The following GREM2 variants were observed in gnomAD, a reference collection of about 807,000 sequenced individuals.
GREM2 encodes gremlin 2, DAN family BMP antagonist.
In GREM2, 11 loss-of-function variants were observed where a neutral mutation model predicts 14.2. The observed-to-expected ratio is 0.78, with a 90% CI of 0.49 to 1.28. GREM2 has a LOEUF of 1.28. Among genes scored for constraint, GREM2 ranks in the 50% most tolerant of loss-of-function variants. The pLI, the probability that GREM2 is intolerant of heterozygous loss-of-function variation, is 0.00. For synonymous variants in GREM2, 98 were observed against 97.6 expected (o/e 1.00, Z -0.02); for missense variants, 210 against 218.5 (o/e 0.96, Z 0.24).
chr1:240,581,770 AAAAT>A (rs896865927), intron 1 of GREM2, among the ~76,000 whole-genome samples: 44 of 152,346 alleles, frequency 2.9e-4, no homozygotes, highest in African/African-American at 1.0e-3. Flanking sequence ...TATGAGTTCT[AAAAT>A]AAAATTTTTC....
intron 1 of GREM2, among the ~76,000 whole-genome samples, chr1:240,530,162 A>G (rs1175820849): frequency 6.6e-6 from 1 of 152,190 alleles, no homozygotes; most frequent in Non-Finnish European, 1.5e-5. Flanking sequence ...CTATAACCAT[A>G]TGAATTAAGT....
chr1:240,596,315 T>G (rs966939485), intron 1 of GREM2, among the ~76,000 whole-genome samples: 1 of 152,204 alleles, frequency 6.6e-6, no homozygotes. Context: ...GTTAAGGAAA[T>G]GCGAAACTAT....
At chr1:240,562,952 A>ATGTGTGTGAGTGTGTG (rs1185821723) in intron 1 of GREM2, among the ~76,000 whole-genome samples, 9 of 115,766 alleles carry the variant, frequency 7.8e-5, no homozygotes, top group Admixed American at 7.5e-4. Context: ...GTGAGTGTGT[A>ATGTGTGTGAGTGTGTG]TGTGTGTGAG....
chr1:240,521,518 C>A (rs1293978858), intron 1 of GREM2, among the ~76,000 whole-genome samples: 1 of 151,948 alleles, frequency 6.6e-6, no homozygotes, highest in Non-Finnish European at 1.5e-5. Context: ...TTACAGTGAG[C>A]CGAGATGGCA....
At chr1:240,508,717 C>T (rs1243158111) in intron 1 of GREM2, among the ~76,000 whole-genome samples, 2 of 152,148 alleles carry the variant, frequency 1.3e-5, no homozygotes, top group Non-Finnish European at 2.9e-5. Context: ...TTGTATGCAA[C>T]ACAAATTCAA....
chr1:240,568,679 C>T (rs1679209282), intron 1 of GREM2, among the ~76,000 whole-genome samples: 1 of 152,114 alleles, frequency 6.6e-6, no homozygotes, highest in African/African-American at 2.4e-5. Flanking sequence ...GGCACCTAGC[C>T]TTTCTTTCTT....
At chr1:240,578,914 T>C (rs1220354702) in intron 1 of GREM2, among the ~76,000 whole-genome samples, 1 of 152,210 alleles carries the variant, frequency 6.6e-6, no homozygotes, top group Admixed American at 6.5e-5. Flanking sequence ...TTGGAACAGC[T>C]GCAGGTGGGT....
At chr1:240,501,644 G>A (rs1411342715) in intron 1 of GREM2, among the ~76,000 whole-genome samples, 2 of 149,610 alleles carry the variant, frequency 1.3e-5, no homozygotes, top group Non-Finnish European at 3.0e-5. Context: ...TTATACACAA[G>A]TGGGCTGCTT....
In GREM2 at chr1:240,546,773, T is replaced by G. The variant is rs144806691; in HGVS notation, c.-1-53297A>C. On this transcript the variant is annotated intron_variant, in intron 1 of 1. Transcript: ENST00000318160. ...TGAAATTTTTATCTCATTGAAAGAGTTGTCAAAACAGCCAAGTGTATTAAA... is the reference window on the plus strand; with the variant it reads ...TGAAATTTTTATCTCATTGAAAGAGGTGTCAAAACAGCCAAGTGTATTAAA... 9.0e-3 allele frequency among the ~76,000 whole-genome samples: 1,368 copies of G among 152,042 alleles called. 20 individuals are homozygous for G. The highest frequency in any genetic ancestry group is 0.032 in the African/African-American group (1,317 of 41,476).
At chr1:240,576,785 G>C (rs188080636) in intron 1 of GREM2, among the ~76,000 whole-genome samples, 2 of 152,286 alleles carry the variant, frequency 1.3e-5, no homozygotes, top group Admixed American at 1.3e-4. Flanking sequence ...ACTCCAATTA[G>C]AATGAAATTA....
intron 1 of GREM2, among the ~76,000 whole-genome samples, chr1:240,609,984 A>C (rs1346922861): frequency 3.3e-5 from 5 of 152,292 alleles, no homozygotes; most frequent in African/African-American, 1.2e-4. Flanking sequence ...ATGATAGCAA[A>C]AAACAATGAA....
In GREM2 at chr1:240,602,091, T is replaced by A. The variant is rs181066047; in HGVS notation, c.-2+9793A>T. On this transcript the variant is annotated intron_variant, in intron 1 of 1. Coordinates refer to ENST00000318160, the MANE Select transcript of GREM2 (RefSeq NM_022469.4). ...ATACACTTGTAGGAATATCTTGGCA[T>A]CCTTTAATACAGAGAAGTTCTCAGC... Among the ~76,000 whole-genome samples, 21 of 152,250 alleles carry A rather than the reference T, an allele frequency of 1.4e-4. No individual in the cohort carries two copies. The East Asian group carries it at 2.5e-3, about 18-fold the overall frequency.
chr1:240,533,915 T>G (rs1322957786), intron 1 of GREM2, among the ~76,000 whole-genome samples: 1 of 152,206 alleles, frequency 6.6e-6, no homozygotes, highest in Non-Finnish European at 1.5e-5. Context: ...CCTGTGACGT[T>G]TAGTTCACAT....
At chr1:240,547,369 G>C (rs55906637) in intron 1 of GREM2, among the ~76,000 whole-genome samples, 2 of 150,840 alleles carry the variant, frequency 1.3e-5, no homozygotes, top group Admixed American at 6.6e-5. Context: ...GCGTGGTGGC[G>C]GGCGCCTGTA....
At chr1:240,595,743 T>C (rs1381517873) in intron 1 of GREM2, among the ~76,000 whole-genome samples, 1 of 152,144 alleles carries the variant, frequency 6.6e-6, no homozygotes, top group Non-Finnish European at 1.5e-5. Context: ...CTCTGGACTT[T>C]CATTTGTATG....
At chr1:240,550,663 A>G (rs1384788550) in intron 1 of GREM2, among the ~76,000 whole-genome samples, 1 of 152,238 alleles carries the variant, frequency 6.6e-6, no homozygotes, top group Non-Finnish European at 1.5e-5. Flanking sequence ...TAGTCAATTT[A>G]GACTCTGATT....
In GREM2 at chr1:240,548,145, T is replaced by C. The variant is rs183675451; in HGVS notation, c.-1-54669A>G. On this transcript the variant is annotated intron_variant, in intron 1 of 1. Transcript: ENST00000318160. ...AAAAAATTAGCCAGGCGTGGTGGTA[T>C]GTGCCTGTAATCCCAGCTACTCGGG... 2.8e-3 allele frequency among the ~76,000 whole-genome samples: 415 copies of C among 150,432 alleles called. 1 individual carries two copies. Among genetic ancestry groups the C allele is most frequent in the African/African-American group, 9.8e-3 (402 of 41,012 alleles).
At chr1:240,530,210 T>G (rs2103313524) in intron 1 of GREM2, among the ~76,000 whole-genome samples, 1 of 152,288 alleles carries the variant, frequency 6.6e-6, no homozygotes, top group African/African-American at 2.4e-5. Context: ...GCCCCTTTTC[T>G]GGAAGACTTA....
rs1270225981 is a variant in GREM2 at position 240,543,651 on chromosome 1, T to C, written c.-1-50175A>G. Among the ~76,000 whole-genome samples the C allele has an allele frequency of 6.6e-6, 1 of 152,196 alleles. No individual in the cohort carries two copies. The highest frequency in any genetic ancestry group is 2.4e-5 in the African/African-American group (1 of 41,450). ...TCCCACAAAAAATTCTATTTAGTTT[T>C]AGGAACAAAGCATACCTTTTAAAAA... On this transcript the variant is annotated intron_variant, in intron 1 of 1. Transcript: ENST00000318160. This position sits in a 1 kb window ranked among gnomAD's most constrained non-coding sequence, Gnocchi z 6.4.
Sources: allele counts gnomAD v4.1 joint callset (sites outside exome capture counted in the v4.1 genomes callset), GRCh38; gene constraint gnomAD v4.1.1; non-coding constraint Gnocchi (gnomAD v3.1); transcripts MANE v1.5; gene names NCBI Gene and HGNC (gene_info 2026-07-23, HGNC 2026-07-21).